Variants in WDR49 observed in about 807,000 individuals in gnomAD.
WDR49 encodes the protein cilia- and flagella-associated protein 337.
Under a neutral mutation model 119.5 loss-of-function variants are expected in WDR49, and 107 were observed. The ratio of observed to expected loss-of-function variants is 0.90; its 90% CI spans 0.77 to 1.05. WDR49 has a LOEUF of 1.05. WDR49 is among the 50% of genes least tolerant of loss of function. The pLI, the probability that WDR49 is intolerant of heterozygous loss-of-function variation, is 0.00. For missense variants in WDR49, 1,240 were observed against 1,220.5 expected, an observed-to-expected ratio of 1.02 and a Z score of -0.24; for synonymous variants, 425 against 418.8, an observed-to-expected ratio of 1.01 and a Z score of -0.18.
In WDR49 at chr3:167,523,490, A is replaced by G. The variant is rs140023492; in HGVS notation, c.2605-1006T>C. Among the ~76,000 whole-genome samples the G allele has an allele frequency of 2.9e-4, 44 of 151,690 alleles. No individual in the cohort carries two copies. In the East Asian group the frequency reaches 8.2e-3, roughly 28 times the overall value. On this transcript the variant is annotated intron_variant, in intron 15 of 18. Coordinates refer to ENST00000682715, the MANE Select transcript of WDR49 (RefSeq NM_001366157.1). ...GGCTTGCTGCACCTATCAACCCATCATCTAAGTTTTAAGCTCCACATGCAT... is the reference window on the plus strand; with the variant it reads ...GGCTTGCTGCACCTATCAACCCATCGTCTAAGTTTTAAGCTCCACATGCAT...
chr3:167,505,726 A>T (rs1751745598), intron 16 of WDR49, among the ~76,000 whole-genome samples: 1 of 152,178 alleles, frequency 6.6e-6, no homozygotes. Context: ...AAACACGTAC[A>T]TTATCCTTGC....
chr3:167,614,171 G>C (rs755950338), intron 5 of WDR49, among the ~76,000 whole-genome samples: 33 of 151,956 alleles, frequency 2.2e-4, no homozygotes, highest in Non-Finnish European at 5.9e-5. Context: ...GCGCAATCTC[G>C]GCTCACTGCA....
chr3:167,573,502 C>T (rs1714061330), intron 8 of WDR49, among the ~76,000 whole-genome samples: 1 of 151,604 alleles, frequency 6.6e-6, no homozygotes, highest in African/African-American at 2.4e-5. Flanking sequence ...CATTAAAACA[C>T]AAGAATATAA....
At chr3:167,641,738 A>G (rs1175981367) in intron 2 of WDR49, among the ~76,000 whole-genome samples, 1 of 151,974 alleles carries the variant, frequency 6.6e-6, no homozygotes, top group African/African-American at 2.4e-5. Context: ...ACACTGGGGG[A>G]AAACACAGCC....
intron 16 of WDR49, among the ~76,000 whole-genome samples, chr3:167,510,414 G>GT (rs923354542): frequency 3.7e-4 from 56 of 151,938 alleles, no homozygotes; most frequent in African/African-American, 1.2e-3. Flanking sequence ...GTCCACTGTA[G>GT]TTTTTTTTAC....
At chr3:167,594,153 G>T (rs1190228192) in intron 7 of WDR49, among the ~76,000 whole-genome samples, 1 of 152,250 alleles carries the variant, frequency 6.6e-6, no homozygotes, top group East Asian at 1.9e-4. Context: ...AAAGATACCT[G>T]GAAATGTGGA....
At position 167,602,198 on chromosome 3, in the gene WDR49, G is replaced by A; in HGVS notation, c.1204C>T (p.His402Tyr). 6.2e-7 allele frequency: 1 copy of A among 1,607,026 alleles called. No individual in the cohort carries two copies. The highest frequency in any genetic ancestry group is 8.5e-7 in the Non-Finnish European group (1 of 1,174,974). Residue 402 changes from histidine (H) to tyrosine (Y), a missense_variant, in exon 7 of 19, where the codon CAC becomes TAC. Transcript: ENST00000682715. ...TGGACGGCTATTACACTGGCTGAGTGGCCCCAAAGGACACCCACTGGTTTA... is the reference window on the plus strand; with the variant it reads ...TGGACGGCTATTACACTGGCTGAGTAGCCCCAAAGGACACCCACTGGTTTA... ...VSKPVGVLWGHSASVIAVQFF... is the reference protein window; with the variant it reads ...VSKPVGVLWGYSASVIAVQFF...
intron 5 of WDR49, among the ~76,000 whole-genome samples, chr3:167,618,115 G>A (rs1165285839): frequency 6.6e-6 from 1 of 151,964 alleles, no homozygotes. Context: ...TTTTGCTCAT[G>A]TTGCCCACGT....
At position 167,566,922 on chromosome 3, in the gene WDR49, A is replaced by C. The variant is rs149882293; in HGVS notation, c.1510-6694T>G. ...GAGGAGGAGGAAAAGAAAGGGTTGGACTTACTGTCTCGGGGTGACAGAGAC... is the reference window on the plus strand; with the variant it reads ...GAGGAGGAGGAAAAGAAAGGGTTGGCCTTACTGTCTCGGGGTGACAGAGAC... On this transcript the variant is annotated intron_variant, in intron 8 of 18. Transcript: ENST00000682715. 3.1e-3 allele frequency: 2,020 copies of C among 657,428 alleles called. 27 individuals are homozygous for C. The African/African-American group carries it at 0.032, about 10-fold the overall frequency. The allele number at this position is 657,428 out of a possible 1,614,324, so 40.7% of individuals were successfully genotyped here. A position where few individuals can be genotyped will look rare whatever the true frequency, so the allele number is the denominator to read the frequency against.
chr3:167,489,951 A>C (rs1481327161), intron 18 of WDR49, among the ~76,000 whole-genome samples: 2 of 152,138 alleles, frequency 1.3e-5, no homozygotes, highest in Non-Finnish European at 2.9e-5. Flanking sequence ...TTAAAATACA[A>C]ATTCCCATGC....
chr3:167,624,865 T>C (rs1358596648), intron 3 of WDR49, among the ~76,000 whole-genome samples: 2 of 152,070 alleles, frequency 1.3e-5, no homozygotes, highest in African/African-American at 2.4e-5. Flanking sequence ...AAAAAGGAAC[T>C]GGATCCAATG....
Position 167,521,851 on chromosome 3 carries a change from G to A in WDR49, c.2774+464C>T, listed in dbSNP as rs117938254. On this transcript the variant is annotated intron_variant, in intron 16 of 18. Transcript: ENST00000682715. The stretch of plus-strand genomic sequence containing the variant: ...GAACGTCTGAGCAACATAGAGAGAC[G>A]AGAAGCCTTAAGGAAGTGATGTCTA... Among the ~76,000 whole-genome samples the A allele has an allele frequency of 3.1e-3, 475 of 152,158 alleles. 3 individuals carry two copies. Among genetic ancestry groups the A allele is most frequent in the East Asian group, 0.03 (157 of 5,168 alleles).
At chr3:167,490,820 G>A (rs1286133963) in intron 18 of WDR49, among the ~76,000 whole-genome samples, 24 of 152,062 alleles carry the variant, frequency 1.6e-4, no homozygotes, top group Non-Finnish European at 2.9e-5. Flanking sequence ...ATCTGCTAGA[G>A]ATTTGACTTC....
intron 16 of WDR49, among the ~76,000 whole-genome samples, chr3:167,514,460 T>A (rs923522986): frequency 2.0e-5 from 3 of 152,036 alleles, no homozygotes; most frequent in Admixed American, 1.3e-4. Flanking sequence ...AATGCAGTGT[T>A]AACAGAAAAA....
chr3:167,630,147 T>A (rs1036025723), intron 2 of WDR49, among the ~76,000 whole-genome samples: 1 of 152,082 alleles, frequency 6.6e-6, no homozygotes, highest in African/African-American at 2.4e-5. Flanking sequence ...TCCATCAATG[T>A]GGGAAACTTC....
At chr3:167,657,568 A>T (rs1179020201), upstream of WDR49, among the ~76,000 whole-genome samples, 1 of 137,824 alleles carries the variant, frequency 7.3e-6, no homozygotes, top group African/African-American at 2.7e-5. Context: ...CAACATATAG[A>T]TCTCCCTTTT....
At chr3:167,561,985 T>C (rs1713294413) in intron 8 of WDR49, among the ~76,000 whole-genome samples, 2 of 151,942 alleles carry the variant, frequency 1.3e-5, no homozygotes, top group African/African-American at 4.8e-5. Context: ...GCGCAGAGTA[T>C]TTGAAGGGAC....
chr3:167,572,931 G>A (rs1256459431), intron 8 of WDR49, among the ~76,000 whole-genome samples: 1 of 152,166 alleles, frequency 6.6e-6, no homozygotes, highest in Non-Finnish European at 1.5e-5. Flanking sequence ...CTGAGGAGAA[G>A]CAGAGGTAGG....
intron 18 of WDR49, among the ~76,000 whole-genome samples, chr3:167,483,205 A>T (rs1170230396): frequency 6.6e-6 from 1 of 152,244 alleles, no homozygotes; most frequent in East Asian, 1.9e-4. Context: ...AGTATGAGAT[A>T]ATGTGGATAA....
Sources: allele counts gnomAD v4.1 joint callset (sites outside exome capture counted in the v4.1 genomes callset), GRCh38; gene constraint gnomAD v4.1.1; transcripts MANE v1.5; gene names NCBI Gene and HGNC (gene_info 2026-07-23, HGNC 2026-07-21).